FRMD4B: variants seen among roughly 807,000 people sequenced by gnomAD.
FRMD4B encodes FERM domain containing 4B, also known as FERM domain-containing protein 4B.
A neutral mutation model predicts 141.5 loss-of-function variants in FRMD4B; 74 were observed. That is an observed-to-expected ratio of 0.52 (90% CI 0.43 to 0.63). FRMD4B has a LOEUF of 0.63. Among genes scored for constraint, FRMD4B ranks in the 30% least tolerant of loss-of-function variants. The probability of loss-of-function intolerance (pLI) is 0.00; values close to 1 mark genes in which losing one functional copy is unlikely to be tolerated. For missense variants in FRMD4B, 1,366 were observed against 1,253.4 expected (o/e 1.09, Z -1.36); for synonymous variants, 506 against 467.9 (o/e 1.08, Z -1.05).
intron 2 of FRMD4B, among the ~76,000 whole-genome samples, chr3:69,430,414 C>T (rs369840976): frequency 9.9e-5 from 15 of 152,194 alleles, no homozygotes; most frequent in African/African-American, 3.6e-4. Flanking sequence ...CTCCTGCCTA[C>T]CTGGGTCTAA....
Position 69,181,037 on chromosome 3 carries a change from G to T in FRMD4B, c.2713C>A (p.Arg905=). Residue 905 remains arginine, a synonymous_variant, in exon 21 of 23, where the codon CGG becomes AGG. Transcript: ENST00000398540. ...VAEHLRGWYQ[R]ASGQKDQGHS... ...CCCTGATCCTTCTGCCCAGAGGCCC[G>T]CTGGTACCAGCCACGCAAGTGCTCG... The T allele has an allele frequency of 6.2e-7, 1 of 1,613,918 alleles. No individual in the cohort carries two copies. Among genetic ancestry groups the T allele is most frequent in the Non-Finnish European group, 8.5e-7 (1 of 1,179,858 alleles).
chr3:69,328,357 A>G (rs1702252748), intron 1 of FRMD4B, among the ~76,000 whole-genome samples: 1 of 152,256 alleles, frequency 6.6e-6, no homozygotes, highest in Non-Finnish European at 1.5e-5. Context: ...TCAGTAAGTC[A>G]GTCAAGGTGA....
In FRMD4B at chr3:69,187,870, G is replaced by T; in HGVS notation, c.1819C>A (p.His607Asn). 1 of 1,608,684 alleles carries T rather than the reference G, an allele frequency of 6.2e-7. No homozygotes were observed. The highest frequency in any genetic ancestry group is 8.5e-7 in the Non-Finnish European group (1 of 1,176,662). ...TTGGGGGGAAGAATTCTTGGAGAAT[G>T]AGGTACTGAACTTGATCGCTGCCCA... The part of the protein sequence containing the change: ...FPGQRSSSVP[H>N]SPRILPPKSL... The change falls in exon 19 of 23, where the codon CAT (histidine) becomes AAT (asparagine). Residue 607 changes from histidine to asparagine, a missense_variant. His to Asn is a moderately conservative substitution (Grantham distance 68). Transcript: ENST00000398540.
intron 2 of FRMD4B, among the ~76,000 whole-genome samples, chr3:69,421,091 A>G (rs1331575064): frequency 1.3e-5 from 2 of 152,076 alleles, no homozygotes; most frequent in African/African-American, 4.8e-5. Context: ...CACCCTACCC[A>G]TGGCCTGGAA....
chr3:69,250,115 G>T lies in FRMD4B; in HGVS notation c.502-16C>A, dbSNP rs375326290. ...CGATTTGCCCCTGTTGATGGAAAAG[G>T]AAAGCATCATTGAACATGGGGCTGT... On this transcript the variant is annotated splice_polypyrimidine_tract_variant and intron_variant, in intron 5 of 22. Coordinates refer to ENST00000398540, the MANE Select transcript of FRMD4B (RefSeq NM_015123.3). 1.3e-6 allele frequency: 2 copies of T among 1,582,284 alleles called. No individual in the cohort carries two copies. The highest frequency in any genetic ancestry group is 1.3e-5 in the African/African-American group (1 of 74,210).
At chr3:69,240,370 A>T (rs988381256) in intron 7 of FRMD4B, among the ~76,000 whole-genome samples, 1 of 150,088 alleles carries the variant, frequency 6.7e-6, no homozygotes, top group African/African-American at 2.5e-5. Context: ...AGTCCCAGCT[A>T]CTTGGGAGGC....
chr3:69,343,184 C>T (rs1683217276), intron 1 of FRMD4B, among the ~76,000 whole-genome samples: 2 of 152,076 alleles, frequency 1.3e-5, no homozygotes, highest in African/African-American at 4.8e-5. Context: ...GACCTCCTGG[C>T]CTCAAGTGAT....
intron 1 of FRMD4B, among the ~76,000 whole-genome samples, chr3:69,363,754 G>A (rs1412410942): frequency 6.6e-6 from 1 of 152,146 alleles, no homozygotes; most frequent in Non-Finnish European, 1.5e-5. Flanking sequence ...CCAGAGCTGG[G>A]TCCTATGTTT....
In FRMD4B at chr3:69,287,799, T is replaced by A. The variant is rs754011818; in HGVS notation, c.454A>T (p.Thr152Ser). 4.2e-5 allele frequency: 68 copies of A among 1,600,036 alleles called. No individual in the cohort carries two copies. Among genetic ancestry groups the A allele is most frequent in the Non-Finnish European group, 5.6e-5 (66 of 1,170,060 alleles). Residue 152 changes from threonine (T) to serine (S), a missense_variant, in exon 5 of 23, where the codon ACC (threonine) becomes TCC (serine). Thr to Ser is a moderately conservative substitution (Grantham distance 58). Transcript: ENST00000398540. ...IESISFLKDKTTVELFFLNAK... is the reference protein window; with the variant it reads ...IESISFLKDKSTVELFFLNAK... ...TTCAGGAAAAACAGCTCCACGGTGG[T>A]TTTATCCTTTAAAAACGATATGCTC...
intron 4 of FRMD4B, chr3:69,293,176 T>C (rs1700927444): frequency 7.4e-6 from 2 of 269,324 alleles, no homozygotes; most frequent in Non-Finnish European, 1.5e-5. Flanking sequence ...TGGCAACACA[T>C]GGATGTCAAA....
chr3:69,401,640 C>T (rs1288454672), intron 2 of FRMD4B, among the ~76,000 whole-genome samples: 1 of 152,150 alleles, frequency 6.6e-6, no homozygotes, highest in Non-Finnish European at 1.5e-5. Context: ...GCTTTGACGT[C>T]CTGGGCTCAA....
chr3:69,446,891 T>C (rs1289793095), intron 1 of FRMD4B, among the ~76,000 whole-genome samples: 1 of 152,208 alleles, frequency 6.6e-6, no homozygotes, highest in Non-Finnish European at 1.5e-5. Flanking sequence ...ACTCTTACAG[T>C]GCTTCTTGAG....
intron 5 of FRMD4B, among the ~76,000 whole-genome samples, chr3:69,270,746 A>T (rs1056614215): frequency 1.3e-5 from 2 of 151,846 alleles, no homozygotes; most frequent in Non-Finnish European, 2.9e-5. Flanking sequence ...TTGTATTTTT[A>T]GTAGAGACAG....
intron 5 of FRMD4B, among the ~76,000 whole-genome samples, chr3:69,273,749 T>A (rs1486390325): frequency 1.3e-5 from 2 of 152,078 alleles, no homozygotes; most frequent in African/African-American, 4.8e-5. Flanking sequence ...GTGCCAGTGT[T>A]TGGGGAGATA....
intron 1 of FRMD4B, among the ~76,000 whole-genome samples, chr3:69,357,195 GT>G (rs1703348938): frequency 6.6e-6 from 1 of 152,190 alleles, no homozygotes. Flanking sequence ...TCAGATAGGA[GT>G]TTTGTAATCA....
chr3:69,212,671 T>C lies in FRMD4B; in HGVS notation c.876+3592A>G, dbSNP rs924477834. On this transcript the variant is annotated intron_variant, in intron 11 of 22. Transcript: ENST00000398540. ...ACTGCAATATTTACTGTGCAGATTC[T>C]GATTCACTACTGTTTTGGGACAAAG... Among the ~76,000 whole-genome samples, 6 of 152,356 alleles carry C rather than the reference T, an allele frequency of 3.9e-5. No individual in the cohort carries two copies. The East Asian group carries it at 5.8e-4, about 15-fold the overall frequency.
At chr3:69,174,723 A>T (rs539116451) in intron 22 of FRMD4B, among the ~76,000 whole-genome samples, 1 of 152,194 alleles carries the variant, frequency 6.6e-6, no homozygotes, top group Non-Finnish European at 1.5e-5. Flanking sequence ...CCTGAGTCCA[A>T]TTACAGTAGT....
chr3:69,339,092 C>T (rs1702649753), intron 1 of FRMD4B, among the ~76,000 whole-genome samples: 1 of 152,136 alleles, frequency 6.6e-6, no homozygotes, highest in Admixed American at 6.6e-5. Flanking sequence ...GCTGGTAAAA[C>T]TGTAACATGT....
At chr3:69,337,806 A>G (rs898117681) in intron 1 of FRMD4B, among the ~76,000 whole-genome samples, 1 of 152,196 alleles carries the variant, frequency 6.6e-6, no homozygotes, top group African/African-American at 2.4e-5. Flanking sequence ...GTCAGGAAAC[A>G]ACAGGTGCTG....
Sources: allele counts gnomAD v4.1 joint callset (sites outside exome capture counted in the v4.1 genomes callset), GRCh38; gene constraint gnomAD v4.1.1; transcripts MANE v1.5; gene names NCBI Gene and HGNC (gene_info 2026-07-23, HGNC 2026-07-21).